Variants in PRSS16 observed in about 807,000 individuals in gnomAD.
PRSS16 encodes the protein thymus-specific serine protease.
In PRSS16, 43 loss-of-function variants were observed where a neutral mutation model predicts 61.7. The ratio of observed to expected loss-of-function variants is 0.70; its 90% confidence interval spans 0.55 to 0.90. The LOEUF is 0.90. PRSS16 is among the 40% of genes least tolerant of loss of function. The probability of loss-of-function intolerance (pLI) is 0.00; values close to 1 mark genes in which losing one functional copy is unlikely to be tolerated. For synonymous variants in PRSS16, 273 were observed against 285.2 expected (o/e 0.96, Z 0.43); for missense variants, 591 against 659.1 (o/e 0.90, Z 1.13).
chr6:27,252,092 C>T lies in PRSS16; in HGVS notation c.1008+52C>T, dbSNP rs371888061. 2.8e-6 allele frequency: 4 copies of T among 1,438,164 alleles called. No individual in the cohort carries two copies. Among genetic ancestry groups the T allele is most frequent in the Admixed American group, 3.0e-5 (1 of 33,308 alleles). 89.1% of individuals were successfully genotyped at this position (1,438,164 alleles called of 1,614,324 possible). ...GGAGTTAGCGGACAAAGATTCCTGCCCCACTTCCGTTGTGTGATCTTGGGC... is the reference window on the plus strand; with the variant it reads ...GGAGTTAGCGGACAAAGATTCCTGCTCCACTTCCGTTGTGTGATCTTGGGC... On this transcript the variant is annotated intron_variant, in intron 8 of 11. Coordinates refer to ENST00000230582, the MANE Select transcript of PRSS16 (RefSeq NM_005865.4). The surrounding 1 kb of genome is among the most constrained non-coding windows in gnomAD (Gnocchi z 4.2).
rs533513744 is a variant in PRSS16, at chr6:27,251,724, C to A, written c.718-26C>A. ...AGCCGAGGCCCAGCCTAAGTCTTGG[C>A]GGACATCGCCTCTTGCTTCCCACAG... is the stretch of plus-strand genomic sequence containing the variant. On this transcript the variant is annotated intron_variant, in intron 7 of 11. Transcript: ENST00000230582. This position sits in a 1 kb window ranked among gnomAD's most constrained non-coding sequence, Gnocchi z 5.6. 1.9e-6 allele frequency: 3 copies of A among 1,576,580 alleles called. No individual in the cohort carries two copies. Among genetic ancestry groups the A allele is most frequent in the East Asian group, 2.2e-5 (1 of 44,582 alleles).
chr6:27,254,662 T>C (rs375520625), intron 9 of PRSS16, 31 bp from the exon 10 acceptor site: 2 of 1,560,334 alleles, frequency 1.3e-6, no homozygotes, highest in Non-Finnish European at 1.8e-6. Context: ...GCTGCCTGTA[T>C]ACCCACACTT....
chr6:27,251,630 T>C lies in PRSS16; in HGVS notation c.718-120T>C. ...GCGGGGGCCTGGGCCAAGAGCTAGG[T>C]CTGCACCCTCTGAGTCCCGCTAGGG... On this transcript the variant is annotated intron_variant, in intron 7 of 11. Transcript: ENST00000230582. The surrounding 1 kb of genome is among the most constrained non-coding windows in gnomAD (Gnocchi z 5.6). 8.4e-7 allele frequency: 1 copy of C among 1,185,668 alleles called. No individual in the cohort carries two copies. The allele number at this position is 1,185,668 out of a possible 1,614,324, so 73.4% of individuals were successfully genotyped here.
Position 27,255,524 on chromosome 6 carries a change from A to G in PRSS16, c.*209A>G, listed in dbSNP as rs1306327150. 1 of 537,818 alleles carries G rather than the reference A, an allele frequency of 1.9e-6. No homozygotes were observed. The highest frequency in any genetic ancestry group is 3.3e-6 in the Non-Finnish European group (1 of 302,444). The allele number at this position is 537,818 out of a possible 1,614,324, so 33.3% of individuals were successfully genotyped here. A position where few individuals can be genotyped will look rare whatever the true frequency, so the allele number is the denominator to read the frequency against. On this transcript the variant is annotated 3_prime_UTR_variant, in exon 12 of 12. Transcript: ENST00000230582. This position sits in a 1 kb window ranked among gnomAD's most constrained non-coding sequence, Gnocchi z 4.4. ...CAGAGAGTTATGGAAATATAAGTGG[A>G]TGATTATTCTCATTGTAAATATTGG... is the stretch of plus-strand genomic sequence containing the variant.
rs1228468840 is a variant in PRSS16 at position 27,252,846 on chromosome 6, T to C, written c.1047T>C (p.Phe349=). ...LHSLGQKCLS[F]SRAETVAQLR... The stretch of plus-strand genomic sequence containing the variant: ...GCCTGGGCCAGAAGTGTTTAAGCTT[T>C]TCCCGAGCAGAGACAGTGGCACAGC... The change falls in exon 9 of 12, where the codon TTT becomes TTC. Residue 349 remains phenylalanine, a synonymous_variant. Transcript: ENST00000230582. This position sits in a 1 kb window ranked among gnomAD's most constrained non-coding sequence, Gnocchi z 4.2. 1 of 1,614,150 alleles carries C rather than the reference T, an allele frequency of 6.2e-7. No individual in the cohort carries two copies. Among genetic ancestry groups the C allele is most frequent in the Non-Finnish European group, 8.5e-7 (1 of 1,180,030 alleles).
Position 27,249,198 on chromosome 6 carries a change from G to A in PRSS16, c.436G>A (p.Ala146Thr). The change falls in exon 4 of 12, where the codon GCC (alanine) becomes ACC (threonine). Residue 146 changes from alanine to threonine, a missense_variant. Ala to Thr is a moderately conservative substitution (Grantham distance 58, BLOSUM62 0). Transcript: ENST00000230582. Reference protein sequence around the residue: ...LSIPAGGLEMAQLRFLSSRLA... With the variant: ...LSIPAGGLEMTQLRFLSSRLA... ...TATACCTGCTGGAGGCCTGGAAATG[G>A]CCCAGCTCCGCTTCTTGTCCAGCCG... The A allele has an allele frequency of 6.2e-7, 1 of 1,613,898 alleles. No homozygotes were observed. The highest frequency in any genetic ancestry group is 8.5e-7 in the Non-Finnish European group (1 of 1,179,956).
intron 9 of PRSS16, chr6:27,253,492 T>C (rs1273387281): frequency 2.2e-6 from 1 of 454,736 alleles, no homozygotes. Context: ...GAGATCCTTG[T>C]AAATATAACC....
rs762862968 is a variant in PRSS16 at position 27,251,071 on chromosome 6, C to T, written c.621C>T (p.Ala207=). The T allele has an allele frequency of 1.1e-5, 18 of 1,614,112 alleles. No homozygotes were observed. The Middle Eastern group carries it at 1.8e-3, about 163-fold the overall frequency. Residue 207 remains alanine (A), a synonymous_variant, in exon 6 of 12, where the codon GCC becomes GCT. Coordinates refer to ENST00000230582, the MANE Select transcript of PRSS16 (RefSeq NM_005865.4). This position sits in a 1 kb window ranked among gnomAD's most constrained non-coding sequence, Gnocchi z 5.6. ...CCCATCTCATTTTCGCGTCGGTCGC[C>T]TCCTCCGCCCCGGTGCGGGCCGTGC... ...KFPHLIFASV[A]SSAPVRAVLD...
At position 27,248,103 on chromosome 6, in the gene PRSS16, C is replaced by T. The variant is rs1761262106; in HGVS notation, c.237+55C>T. On this transcript the variant is annotated intron_variant, in intron 2 of 11. Transcript: ENST00000230582. ...CCATCCTGCCCTCTCCTCAGTCTCCCTCATCTCTTCCTCAGTCTGCACTTT... is the reference window on the plus strand; with the variant it reads ...CCATCCTGCCCTCTCCTCAGTCTCCTTCATCTCTTCCTCAGTCTGCACTTT... 1.9e-6 allele frequency: 3 copies of T among 1,555,940 alleles called. No individual in the cohort carries two copies. The African/African-American group carries it at 4.1e-5, about 21-fold the overall frequency.
chr6:27,254,564 G>A lies in PRSS16; in HGVS notation c.1151-129G>A, dbSNP rs565267183. ...GGGACTGTGTGAGTCTGTCTGCCAGGACTGTAAACTCCTCGAAGGGAGTAT... is the reference window on the plus strand; with the variant it reads ...GGGACTGTGTGAGTCTGTCTGCCAGAACTGTAAACTCCTCGAAGGGAGTAT... On this transcript the variant is annotated intron_variant, in intron 9 of 11. Coordinates refer to ENST00000230582, the MANE Select transcript of PRSS16 (RefSeq NM_005865.4). 164 of 886,288 alleles carry A rather than the reference G, an allele frequency of 1.9e-4. No individual in the cohort carries two copies. The East Asian group carries it at 4.0e-3, about 21-fold the overall frequency. 54.9% of individuals were successfully genotyped at this position (886,288 alleles called of 1,614,324 possible). A position where few individuals can be genotyped will look rare whatever the true frequency, so the allele number is the denominator to read the frequency against.
In PRSS16 at chr6:27,251,550, G is replaced by A. The variant is rs1759898882; in HGVS notation, c.718-200G>A. The A allele has an allele frequency of 9.5e-6, 7 of 739,384 alleles. No homozygotes were observed. The highest frequency in any genetic ancestry group is 1.2e-5 in the Non-Finnish European group (6 of 481,118). The allele number at this position is 739,384 out of a possible 1,614,324, so 45.8% of individuals were successfully genotyped here. A position where few individuals can be genotyped will look rare whatever the true frequency, so the allele number is the denominator to read the frequency against. On this transcript the variant is annotated intron_variant, in intron 7 of 11. Transcript: ENST00000230582. The surrounding 1 kb of genome is among the most constrained non-coding windows in gnomAD (Gnocchi z 5.6). ...CCACAATGGAGGACGGGGCCTGCAG[G>A]GAAGACCCGAGAAGGAGGGCTGCGA...
At chr6:27,250,629 A>C in intron 4 of PRSS16, 54 bp from the exon 5 acceptor site, 1 of 1,517,354 alleles carries the variant, frequency 6.6e-7, no homozygotes, top group Non-Finnish European at 8.8e-7. Context: ...GAATGGGGAA[A>C]TCTTCAGGGA....
Position 27,251,445 on chromosome 6 carries a change from GA to G in PRSS16, c.717+185del. ...AGCTGACGAAGAGGAGGGGCACCAGGAAAAGAGGCGCTCCCCAGAGAGGGCG... is the reference window on the plus strand; with the variant it reads ...AGCTGACGAAGAGGAGGGGCACCAGGAAAGAGGCGCTCCCCAGAGAGGGCG... On this transcript the variant is annotated intron_variant, in intron 7 of 11. Transcript: ENST00000230582. This position sits in a 1 kb window ranked among gnomAD's most constrained non-coding sequence, Gnocchi z 5.6. 2 of 836,968 alleles carry G rather than the reference GA, an allele frequency of 2.4e-6. No homozygotes were observed. Among genetic ancestry groups the G allele is most frequent in the Non-Finnish European group, 3.6e-6 (2 of 556,824 alleles). The allele number at this position is 836,968 out of a possible 1,614,324, so 51.8% of individuals were successfully genotyped here. A position where few individuals can be genotyped will look rare whatever the true frequency, so the allele number is the denominator to read the frequency against.
chr6:27,255,166 T>C lies in PRSS16; in HGVS notation c.1476+35T>C. The C allele has an allele frequency of 6.2e-7, 1 of 1,614,032 alleles. No individual in the cohort carries two copies. The highest frequency in any genetic ancestry group is 8.5e-7 in the Non-Finnish European group (1 of 1,179,948). The stretch of plus-strand genomic sequence containing the variant: ...AAAAGGCTCTGAATCATTTGCATTC[T>C]CATTTGAATAATCACTTGCATGTTC... On this transcript the variant is annotated intron_variant, in intron 11 of 11. Transcript: ENST00000230582. This position sits in a 1 kb window ranked among gnomAD's most constrained non-coding sequence, Gnocchi z 4.4.
Position 27,251,914 on chromosome 6 carries a change from TGTAGTGCA to T in PRSS16, c.886_893del (p.Val296Ter). 6.2e-7 allele frequency: 1 copy of T among 1,611,706 alleles called. No individual in the cohort carries two copies. The highest frequency in any genetic ancestry group is 8.5e-7 in the Non-Finnish European group (1 of 1,179,406). On this transcript the variant is annotated frameshift_variant, in exon 8 of 12. Coordinates refer to ENST00000230582, the MANE Select transcript of PRSS16 (RefSeq NM_005865.4). LOFTEE classifies it high-confidence loss of function. This position sits in a 1 kb window ranked among gnomAD's most constrained non-coding sequence, Gnocchi z 5.6. ...GGGCGCTGCAGGCACTGGTGGGAGGTGTAGTGCAGTATGATGGGCAGACGGGAGCGCCG... is the reference window on the plus strand; with the variant it reads ...GGGCGCTGCAGGCACTGGTGGGAGGTGTATGATGGGCAGACGGGAGCGCCG...
Position 27,255,551 on chromosome 6 carries a change from A to G in PRSS16, c.*236A>G. 4.2e-6 allele frequency: 2 copies of G among 472,974 alleles called. No individual in the cohort carries two copies. The highest frequency in any genetic ancestry group is 3.7e-5 in the East Asian group (1 of 26,668). 29.3% of individuals were successfully genotyped at this position (472,974 alleles called of 1,614,324 possible). Reference sequence around the variant, plus strand: ...GATTATTCTCATTGTAAATATTGGTATTTTGAATGTTAAATGTCAAACAAA... The same window carrying G: ...GATTATTCTCATTGTAAATATTGGTGTTTTGAATGTTAAATGTCAAACAAA... On this transcript the variant is annotated 3_prime_UTR_variant, in exon 12 of 12. Transcript: ENST00000230582. The surrounding 1 kb of genome is among the most constrained non-coding windows in gnomAD (Gnocchi z 4.4).
chr6:27,254,207 C>T (rs1759979715), intron 9 of PRSS16: 1 of 155,226 alleles, frequency 6.4e-6, no homozygotes, highest in African/African-American at 2.4e-5. Flanking sequence ...TATCTGAGCA[C>T]CTGGTAGGTG....
In PRSS16 at chr6:27,247,844, G is replaced by T. The variant is rs766310983; in HGVS notation, c.70+37G>T. On this transcript the variant is annotated intron_variant, in intron 1 of 11. Transcript: ENST00000230582. Reference sequence around the variant, plus strand: ...CTGAGGGTCAAGCAGGGCATCCTAAGGGGGCCAGCCTGACTTCCTTCCCTC... The same window carrying T: ...CTGAGGGTCAAGCAGGGCATCCTAATGGGGCCAGCCTGACTTCCTTCCCTC... The T allele has an allele frequency of 7.4e-6, 12 of 1,613,322 alleles. No homozygotes were observed. In the African/African-American group the frequency reaches 1.5e-4, roughly 20 times the overall value.
At chr6:27,249,348 CCT>C in intron 4 of PRSS16, 119 bp downstream of exon 4, 3 of 1,308,954 alleles carry the variant, frequency 2.3e-6, no homozygotes, top group South Asian at 1.4e-5. Context: ...TCTCTGGTTC[CCT>C]CTGTTTTCTT....
Sources: gnomAD v4.1 joint callset for allele counts on GRCh38, gnomAD v4.1.1 for gene constraint, Gnocchi (gnomAD v3.1) non-coding constraint, MANE v1.5 for transcripts, NCBI Gene and HGNC (gene_info 2026-07-23, HGNC 2026-07-21) for gene names.